ACER2: variants seen among roughly 807,000 people sequenced by gnomAD.
ACER2 encodes the protein alkaline ceramidase 2, also known as alkCDase 2.
A neutral mutation model predicts 34.7 loss-of-function variants in ACER2; 26 were observed. The observed-to-expected ratio is 0.75, with a 90% CI of 0.55 to 1.04. The LOEUF is 1.04. Among genes scored for constraint, ACER2 ranks in the 50% least tolerant of loss-of-function variants. The probability of loss-of-function intolerance (pLI) is 0.00; values close to 1 mark genes in which losing one functional copy is unlikely to be tolerated. For missense variants in ACER2, 352 were observed against 340.8 expected (o/e 1.03, Z -0.26); for synonymous variants, 138 against 132.1 (o/e 1.04, Z -0.31).
intron 1 of ACER2, among the ~76,000 whole-genome samples, chr9:19,420,082 C>G (rs940581558): frequency 2.0e-5 from 3 of 152,196 alleles, no homozygotes; most frequent in Admixed American, 2.0e-4. Flanking sequence ...TTTGCTGAAG[C>G]ATTCTATTTA....
chr9:19,427,776 C>G (rs1830615791), intron 3 of ACER2, among the ~76,000 whole-genome samples: 1 of 152,062 alleles, frequency 6.6e-6, no homozygotes, highest in African/African-American at 2.4e-5. Flanking sequence ...ACGCCATTCT[C>G]CTGCCTCAGC....
At chr9:19,413,418 G>A (rs1174861558) in intron 1 of ACER2, among the ~76,000 whole-genome samples, 1 of 152,094 alleles carries the variant, frequency 6.6e-6, no homozygotes, top group Non-Finnish European at 1.5e-5. Context: ...GGCCAACACG[G>A]CGAAACCCCA....
At chr9:19,445,966 A>T (rs1831343333) in intron 4 of ACER2, among the ~76,000 whole-genome samples, 1 of 152,092 alleles carries the variant, frequency 6.6e-6, no homozygotes. Flanking sequence ...TGAGAAGGAG[A>T]AAGATTGGGA....
intron 1 of ACER2, among the ~76,000 whole-genome samples, chr9:19,422,302 GA>G (rs1044760946): frequency 9.9e-5 from 14 of 141,020 alleles, no homozygotes; most frequent in East Asian, 2.1e-4. Context: ...CTGTCTCTAA[GA>G]AAAAAAAAAA....
intron 4 of ACER2, among the ~76,000 whole-genome samples, chr9:19,443,822 A>G (rs1001146942): frequency 2.0e-5 from 3 of 152,046 alleles, no homozygotes; most frequent in African/African-American, 4.8e-5. Context: ...ACCCCCGGCT[A>G]ATTTTTGTAT....
chr9:19,445,031 A>G (rs780274791), intron 4 of ACER2, among the ~76,000 whole-genome samples: 5 of 152,250 alleles, frequency 3.3e-5, no homozygotes, highest in Non-Finnish European at 7.3e-5. Context: ...TGTGGGTTCA[A>G]CAAAGAGGAA....
intron 1 of ACER2, among the ~76,000 whole-genome samples, chr9:19,419,803 G>GA (rs570648531): frequency 2.8e-4 from 42 of 152,216 alleles, no homozygotes; most frequent in Non-Finnish European, 5.3e-4. Context: ...GAACCAACTA[G>GA]AAAAAGGTAC....
At chr9:19,434,783 A>T (rs1365468384) in intron 3 of ACER2, among the ~76,000 whole-genome samples, 164 bp from the exon 4 acceptor site, 1 of 151,826 alleles carries the variant, frequency 6.6e-6, no homozygotes, top group African/African-American at 2.4e-5. Context: ...TTTAAGACGA[A>T]GTCTCGCTCT....
chr9:19,409,643 G>A lies in ACER2; in HGVS notation c.108+451G>A, dbSNP rs932792384. On this transcript the variant is annotated intron_variant, in intron 1 of 5. Coordinates refer to ENST00000340967, the MANE Select transcript of ACER2 (RefSeq NM_001010887.3). ...GAGTGCTGGGAAGAGCACGCCCCCC[G>A]CAGGTCCCCGCGGCTGGGGTCACTC... 4.3e-5 allele frequency: 29 copies of A among 669,910 alleles called. No individual in the cohort carries two copies. In the African/African-American group the frequency reaches 5.7e-4, roughly 13 times the overall value. The allele number at this position is 669,910 out of a possible 1,614,324, so 41.5% of individuals were successfully genotyped here.
chr9:19,411,601 A>G (rs1311665378), intron 1 of ACER2, among the ~76,000 whole-genome samples: 1 of 152,152 alleles, frequency 6.6e-6, no homozygotes, highest in Admixed American at 6.5e-5. Context: ...TCCCATGCTT[A>G]TCTTACTCCT....
intron 4 of ACER2, among the ~76,000 whole-genome samples, chr9:19,440,135 C>T (rs1406146657): frequency 6.6e-6 from 1 of 152,210 alleles, no homozygotes; most frequent in East Asian, 1.9e-4. Flanking sequence ...GTATTATTCT[C>T]TCGGCTGCTC....
chr9:19,411,561 A>ACTTATATTTTGATG (rs1414472199), intron 1 of ACER2, among the ~76,000 whole-genome samples: 1 of 149,998 alleles, frequency 6.7e-6, no homozygotes, highest in African/African-American at 2.5e-5. Context: ...CTTACGTACT[A>ACTTATATTTTGATG]CTTATATTTT....
At chr9:19,437,513 CTCT>C (rs1831015691) in intron 4 of ACER2, among the ~76,000 whole-genome samples, 1 of 152,136 alleles carries the variant, frequency 6.6e-6, no homozygotes, top group South Asian at 2.1e-4. Context: ...TCTAACCAGT[CTCT>C]TCTTCCTCCA....
intron 4 of ACER2, among the ~76,000 whole-genome samples, chr9:19,439,346 T>G (rs1831070957): frequency 1.4e-5 from 2 of 145,770 alleles, no homozygotes; most frequent in East Asian, 2.0e-4. Context: ...GGGGCTTGCT[T>G]TTTTTTTTTT....
At chr9:19,435,713 C>A (rs191940829) in intron 4 of ACER2, among the ~76,000 whole-genome samples, 1 of 151,810 alleles carries the variant, frequency 6.6e-6, no homozygotes, top group Admixed American at 6.6e-5. Context: ...GATCACACTG[C>A]TGTACTCCAG....
In ACER2 at chr9:19,424,784, G is replaced by A. The variant is rs1830510669; in HGVS notation, c.308G>A (p.Cys103Tyr). 1.2e-6 allele frequency: 2 copies of A among 1,614,014 alleles called. No individual in the cohort carries two copies. Among genetic ancestry groups the A allele is most frequent in the East Asian group, 4.5e-5 (2 of 44,886 alleles). Residue 103 changes from cysteine (C) to tyrosine (Y), a missense_variant, in exon 3 of 6, where the codon TGT becomes TAT. Physicochemically the swap from Cys to Tyr is radical, Grantham distance 194 (BLOSUM62 -2). Transcript: ENST00000340967. ...DELAVLWVLM[C>Y]ALAMWFPRRY... ...CTTGCAGTCCTTTGGGTTCTGATGT[G>A]TGCTTTGGCCATGTGGTTCCCCAGA...
intron 1 of ACER2, among the ~76,000 whole-genome samples, chr9:19,411,903 T>C (rs1330349024): frequency 6.6e-6 from 1 of 152,218 alleles, no homozygotes; most frequent in Non-Finnish European, 1.5e-5. Context: ...ATACTCATTC[T>C]AGACAATGGG....
chr9:19,435,902 A>T (rs1247112875), intron 4 of ACER2, among the ~76,000 whole-genome samples: 1 of 152,004 alleles, frequency 6.6e-6, no homozygotes, highest in African/African-American at 2.4e-5. Context: ...ACAAAAAATT[A>T]GCTGGGCATG....
At chr9:19,446,641 T>C in intron 5 of ACER2, 5 of 985,330 alleles carry the variant, frequency 5.1e-6, no homozygotes, top group Non-Finnish European at 6.0e-6. Flanking sequence ...GGCCTGATTG[T>C]CATGCTTAGG....
Sources: gnomAD v4.1 joint callset for allele counts (sites outside exome capture counted in the v4.1 genomes callset) on GRCh38, gnomAD v4.1.1 for gene constraint, MANE v1.5 for transcripts, NCBI Gene and HGNC (gene_info 2026-07-23, HGNC 2026-07-21) for gene names.